CACNG2: variants seen among roughly 807,000 people sequenced by gnomAD.
The protein encoded by CACNG2 is voltage-dependent calcium channel gamma-2 subunit.
CACNG2 carries 3 observed loss-of-function variants against 25.9 expected under a neutral mutation model. The observed-to-expected ratio is 0.12, with a 90% CI of 0.05 to 0.30. CACNG2 has a LOEUF of 0.30. CACNG2 is among the 10% of genes least tolerant of loss of function. The pLI, the probability that CACNG2 is intolerant of heterozygous loss-of-function variation, is 1.00. For missense variants in CACNG2, 341 were observed against 432.5 expected (o/e 0.79, Z 1.88); for synonymous variants, 167 against 173.3 (o/e 0.96, Z 0.29).
chr22:36,645,501 C>A lies in CACNG2; in HGVS notation c.211+56865G>T, dbSNP rs1262932817. 1.3e-4 allele frequency among the ~76,000 whole-genome samples: 19 copies of A among 146,604 alleles called. 1 individual carries two copies. On this transcript the variant is annotated intron_variant, in intron 1 of 3. Transcript: ENST00000300105. ...GCAGTGAGCTGAGATCGCGCCACTG[C>A]ACTCCAGCCTGGGCGACAGAGCAAG...
chr22:36,610,446 A>G (rs1024421469), intron 1 of CACNG2, among the ~76,000 whole-genome samples: 1 of 152,244 alleles, frequency 6.6e-6, no homozygotes, highest in Admixed American at 6.5e-5. Context: ...GGACAAGTGT[A>G]AAGAGTGGTA....
intron 2 of CACNG2, among the ~76,000 whole-genome samples, chr22:36,579,836 G>T (rs934725078): frequency 6.6e-6 from 1 of 152,060 alleles, no homozygotes; most frequent in African/African-American, 2.4e-5. Context: ...CCTCCTTTAG[G>T]TCTCTGCTTC....
intron 1 of CACNG2, among the ~76,000 whole-genome samples, chr22:36,587,921 C>T (rs1200678797): frequency 6.6e-6 from 1 of 152,206 alleles, no homozygotes; most frequent in Non-Finnish European, 1.5e-5. Context: ...GGGAGTCATC[C>T]TGCATTTTAC....
intron 1 of CACNG2, among the ~76,000 whole-genome samples, chr22:36,602,481 G>T (rs1482166704): frequency 6.6e-6 from 1 of 152,046 alleles, no homozygotes; most frequent in Non-Finnish European, 1.5e-5. Context: ...TGCCTCCTAG[G>T]TTCAAGCGAT....
intron 1 of CACNG2, among the ~76,000 whole-genome samples, chr22:36,641,308 G>C (rs951941854): frequency 6.6e-6 from 1 of 152,216 alleles, no homozygotes; most frequent in Admixed American, 6.5e-5. Context: ...CCAGTACCTA[G>C]CACAGTGCCT....
chr22:36,683,566 A>G (rs191606961), intron 1 of CACNG2, among the ~76,000 whole-genome samples: 151 of 152,342 alleles, frequency 9.9e-4, no homozygotes, highest in Admixed American at 1.2e-3. Context: ...TGTTATGACA[A>G]AACTGCCTTT....
chr22:36,696,381 T>A (rs1490001663), intron 1 of CACNG2, among the ~76,000 whole-genome samples: 1 of 152,180 alleles, frequency 6.6e-6, no homozygotes, highest in Non-Finnish European at 1.5e-5. Context: ...TCCTCTGTAT[T>A]GAGTTCATTA....
At chr22:36,566,578 G>T in intron 2 of CACNG2, 85 bp from the exon 3 acceptor site, 1 of 1,438,966 alleles carries the variant, frequency 6.9e-7, no homozygotes, top group Non-Finnish European at 9.7e-7. Context: ...GAGCAGCCCC[G>T]AGGCGCTGGG....
chr22:36,669,029 T>G (rs995659063), intron 1 of CACNG2, among the ~76,000 whole-genome samples: 1 of 152,140 alleles, frequency 6.6e-6, no homozygotes, highest in Non-Finnish European at 1.5e-5. Context: ...CTTCCGGAAG[T>G]GCCCTCCCAG....
intron 1 of CACNG2, among the ~76,000 whole-genome samples, chr22:36,596,385 T>G (rs1263951288): frequency 6.6e-6 from 1 of 152,208 alleles, no homozygotes; most frequent in African/African-American, 2.4e-5. Flanking sequence ...TTGGGTTGGA[T>G]GGTTTGCAAC....
At chr22:36,656,071 G>T (rs574510513) in intron 1 of CACNG2, among the ~76,000 whole-genome samples, 1 of 152,198 alleles carries the variant, frequency 6.6e-6, no homozygotes, top group Admixed American at 6.5e-5. Context: ...GCCTCCCAGA[G>T]TGCTGGAATT....
In CACNG2 at chr22:36,564,922, G is replaced by A. The variant is rs756084077; in HGVS notation, c.437-36C>T. 1.3e-6 allele frequency: 2 copies of A among 1,588,374 alleles called. No individual in the cohort carries two copies. The highest frequency in any genetic ancestry group is 1.1e-5 in the South Asian group (1 of 90,782). ...CAGGGTGGCGGGGTGGGGGATCAGAGAGAAGGACGTTAGTTTCTCAGGAAG... is the reference window on the plus strand; with the variant it reads ...CAGGGTGGCGGGGTGGGGGATCAGAAAGAAGGACGTTAGTTTCTCAGGAAG... On this transcript the variant is annotated intron_variant, in intron 3 of 3. Transcript: ENST00000300105. This position sits in a 1 kb window ranked among gnomAD's most constrained non-coding sequence, Gnocchi z 6.7.
At chr22:36,685,656 C>A (rs1034904562) in intron 1 of CACNG2, among the ~76,000 whole-genome samples, 1 of 152,184 alleles carries the variant, frequency 6.6e-6, no homozygotes, top group Non-Finnish European at 1.5e-5. Flanking sequence ...CAGATCTTTC[C>A]GGCCTGGTTC....
At chr22:36,585,491 A>G (rs565877703) in intron 2 of CACNG2, 1 of 152,354 alleles carries the variant, frequency 6.6e-6, no homozygotes, top group East Asian at 1.9e-4. Flanking sequence ...TTTATAGACC[A>G]GGGGTCAGCA....
At chr22:36,643,496 CTATCT>C (rs1936474660) in intron 1 of CACNG2, among the ~76,000 whole-genome samples, 1 of 151,666 alleles carries the variant, frequency 6.6e-6, no homozygotes, top group Admixed American at 6.6e-5. Context: ...ATCTATCTAT[CTATCT>C]ATCTATCTAT....
At chr22:36,655,253 A>G (rs1936685609) in intron 1 of CACNG2, among the ~76,000 whole-genome samples, 1 of 152,198 alleles carries the variant, frequency 6.6e-6, no homozygotes, top group Non-Finnish European at 1.5e-5. Context: ...GGTTAGACAA[A>G]TGTAGCCTAC....
intron 1 of CACNG2, among the ~76,000 whole-genome samples, chr22:36,650,068 C>T (rs554579887): frequency 1.2e-4 from 18 of 152,348 alleles, no homozygotes; most frequent in South Asian, 4.1e-4. Context: ...GCACTGGCCT[C>T]CTCCTTTGCC....
chr22:36,600,719 G>T (rs538116298), intron 1 of CACNG2, among the ~76,000 whole-genome samples: 4 of 151,998 alleles, frequency 2.6e-5, no homozygotes, highest in African/African-American at 9.7e-5. Context: ...GCTAACTTTT[G>T]TATTTTTGGT....
At chr22:36,702,049 C>T (rs997184722) in intron 1 of CACNG2, among the ~76,000 whole-genome samples, 1 of 152,046 alleles carries the variant, frequency 6.6e-6, no homozygotes, top group African/African-American at 2.4e-5. Flanking sequence ...GATGGTAAAT[C>T]CTAATGACTC....
Sources: allele counts gnomAD v4.1 joint callset (sites outside exome capture counted in the v4.1 genomes callset), GRCh38; gene constraint gnomAD v4.1.1; non-coding constraint Gnocchi (gnomAD v3.1); transcripts MANE v1.5; gene names NCBI Gene and HGNC (gene_info 2026-07-23, HGNC 2026-07-21).